IGFLR1: variants seen among roughly 807,000 people sequenced by gnomAD.
The protein encoded by IGFLR1 is IGF like family receptor 1.
In IGFLR1, 17 loss-of-function variants were observed where a neutral mutation model predicts 23.4. The observed-to-expected ratio is 0.73, with a 90% confidence interval of 0.50 to 1.09. The LOEUF is 1.09. Ranked by LOEUF, IGFLR1 falls within the 50% of genes least tolerant of loss-of-function variation. IGFLR1 has a pLI of 0.00. For missense variants in IGFLR1, 556 were observed against 459.2 expected (o/e 1.21, Z -1.93); for synonymous variants, 265 against 210.7 (o/e 1.26, Z -2.23).
rs550022463 is a variant in IGFLR1 at position 35,739,074 on chromosome 19, C to T, written c.*206G>A. 1.4e-4 allele frequency: 82 copies of T among 587,840 alleles called. No homozygotes were observed. In the African/African-American group the frequency reaches 1.5e-3, roughly 11 times the overall value. The allele number at this position is 587,840 out of a possible 1,614,324, so 36.4% of individuals were successfully genotyped here. On this transcript the variant is annotated 3_prime_UTR_variant, in exon 5 of 5. Transcript: ENST00000246532. The stretch of plus-strand genomic sequence containing the variant: ...GCAACTGTCTGTAGCAGGGTTGTTT[C>T]CCAGAGGGGATTCTGGTGGCCCAGA...
rs766470670 is a variant in IGFLR1 at position 35,740,520 on chromosome 19, A to T, written c.202T>A (p.Phe68Ile). ...CACTTTCGGAACGGGGGCGTTACGA[A>T]ATCGCCGTGGTCATTGAGTCCGCAG... is the stretch of plus-strand genomic sequence containing the variant. ...ENCGLNDHGD[F>I]VTPPFRKCSS... Residue 68 changes from phenylalanine (F) to isoleucine (I), a missense_variant, in exon 3 of 5, where the codon TTC becomes ATC. Coordinates refer to ENST00000246532, the MANE Select transcript of IGFLR1 (RefSeq NM_024660.4). 2.3e-5 allele frequency: 37 copies of T among 1,612,540 alleles called. No homozygotes were observed. The highest frequency in any genetic ancestry group is 1.8e-4 in the South Asian group (16 of 91,052).
chr19:35,742,432 T>C lies in IGFLR1; in HGVS notation c.-80A>G, dbSNP rs532374854. The C allele has an allele frequency of 3.3e-6, 5 of 1,535,946 alleles. No individual in the cohort carries two copies. The African/African-American group carries it at 5.5e-5, about 17-fold the overall frequency. The stretch of plus-strand genomic sequence containing the variant: ...TGGGTCCCAAGCTGGCCGTGCCAAG[T>C]TCCTCAGCTGAAGTTGTGGCCAGGA... On this transcript the variant is annotated 5_prime_UTR_variant, in exon 1 of 5. Coordinates refer to ENST00000246532, the MANE Select transcript of IGFLR1 (RefSeq NM_024660.4).
At chr19:35,742,375 G>T (rs894521943) in intron 1 of IGFLR1, 21 bp downstream of exon 1, 2 of 1,514,662 alleles carry the variant, frequency 1.3e-6, no homozygotes, top group African/African-American at 2.8e-5. Flanking sequence ...CAGCACAAAG[G>T]TGTCCCCACC....
At position 35,739,324 on chromosome 19, in the gene IGFLR1, G is replaced by T. The variant is rs886430228; in HGVS notation, c.1024C>A (p.Arg342=). The change falls in exon 5 of 5, where the codon CGG becomes AGG. Residue 342 remains arginine, a synonymous_variant. Coordinates refer to ENST00000246532, the MANE Select transcript of IGFLR1 (RefSeq NM_024660.4). ...GATGAGCCAAGCTTGGACAGCACCC[G>T]CAATGCATCTGCCCGCCCTAGCTGG... ...LAQLGRADAL[R]VLSKLGSSGV... 2.5e-6 allele frequency: 4 copies of T among 1,607,998 alleles called. No homozygotes were observed. In the South Asian group the frequency reaches 4.4e-5, roughly 18 times the overall value.
At position 35,739,747 on chromosome 19, in the gene IGFLR1, T is replaced by C. The variant is rs1970094255; in HGVS notation, c.684A>G (p.Thr228=). 1 of 1,553,404 alleles carries C rather than the reference T, an allele frequency of 6.4e-7. No homozygotes were observed. The highest frequency in any genetic ancestry group is 8.7e-7 in the Non-Finnish European group (1 of 1,146,852). Reference sequence around the variant, plus strand: ...GTGGAAGTAGTGAGGCCTCCTTCCATGTGTCCCCTGTCTCCAGGGCGCCTG... The same window carrying C: ...GTGGAAGTAGTGAGGCCTCCTTCCACGTGTCCCCTGTCTCCAGGGCGCCTG... ...SSPGALETGD[T]WKEASLLPLL... is the part of the protein sequence containing the mutation. Residue 228 remains threonine (T), a synonymous_variant, in exon 4 of 5, where the codon ACA becomes ACG. Coordinates refer to ENST00000246532, the MANE Select transcript of IGFLR1 (RefSeq NM_024660.4).
intron 3 of IGFLR1, 89 bp from the exon 4 acceptor site, chr19:35,740,177 C>A (rs1455251123): frequency 1.2e-5 from 17 of 1,436,612 alleles, no homozygotes; most frequent in Non-Finnish European, 1.5e-5. Flanking sequence ...TTTAATGGGG[C>A]CACATCCCAT....
chr19:35,738,926 C>G lies in IGFLR1; in HGVS notation c.*354G>C, dbSNP rs1970029239. ...GCTGTGGGGGCAGGTAGGAACCCCACTTCTACACACCCACCCATCATGACC... is the reference window on the plus strand; with the variant it reads ...GCTGTGGGGGCAGGTAGGAACCCCAGTTCTACACACCCACCCATCATGACC... On this transcript the variant is annotated 3_prime_UTR_variant, in exon 5 of 5. Transcript: ENST00000246532. This position sits in a 1 kb window ranked among gnomAD's most constrained non-coding sequence, Gnocchi z 8.7. The G allele has an allele frequency of 2.0e-5, 9 of 450,534 alleles. 1 individual carries two copies. In the South Asian group the frequency reaches 2.5e-4, roughly 13 times the overall value. 27.9% of individuals were successfully genotyped at this position (450,534 alleles called of 1,614,324 possible). A position where few individuals can be genotyped will look rare whatever the true frequency, so the allele number is the denominator to read the frequency against.
At chr19:35,740,228 C>T in intron 3 of IGFLR1, 140 bp from the exon 4 acceptor site, 1 of 1,329,212 alleles carries the variant, frequency 7.5e-7, no homozygotes, top group Non-Finnish European at 1.0e-6. Context: ...CCCGCAAGGC[C>T]CAACTACCTT....
chr19:35,741,674 A>AC (rs1970248063), intron 1 of IGFLR1: 2 of 158,030 alleles, frequency 1.3e-5, no homozygotes, highest in Admixed American at 1.2e-4. Flanking sequence ...AAAAAAAAAA[A>AC]AAAAAAACAG....
At position 35,740,428 on chromosome 19, in the gene IGFLR1, G is replaced by A. The variant is rs760757474; in HGVS notation, c.294C>T (p.Thr98=). The part of the protein sequence containing the change: ...LCSPCGGGAV[T]PTPAAGGGRT... ...TGCCCCCGCCCGCGGCGGGAGTAGGGGTCACGGCTCCGCCGCCGCAGGGGC... is the reference window on the plus strand; with the variant it reads ...TGCCCCCGCCCGCGGCGGGAGTAGGAGTCACGGCTCCGCCGCCGCAGGGGC... Residue 98 remains threonine (T), a synonymous_variant, in exon 3 of 5, where the codon ACC becomes ACT. Transcript: ENST00000246532. 8.1e-6 allele frequency: 13 copies of A among 1,611,168 alleles called. No homozygotes were observed. The highest frequency in any genetic ancestry group is 3.3e-5 in the South Asian group (3 of 90,966).
chr19:35,741,087 A>G lies in IGFLR1; in HGVS notation c.94T>C (p.Trp32Arg), dbSNP rs1270453482. The G allele has an allele frequency of 1.2e-6, 2 of 1,606,760 alleles. No homozygotes were observed. Among genetic ancestry groups the G allele is most frequent in the Non-Finnish European group, 8.5e-7 (1 of 1,175,470 alleles). ...ASQYCGRLEY[W>R]NPDNKCCSSC... Reference sequence around the variant, plus strand: ...CTGCAGCACTTGTTGTCTGGGTTCCAGTATTCAAGGCGGCCGCAGTACTGG... The same window carrying G: ...CTGCAGCACTTGTTGTCTGGGTTCCGGTATTCAAGGCGGCCGCAGTACTGG... The change falls in exon 2 of 5, where the codon TGG (tryptophan) becomes CGG (arginine). Residue 32 changes from tryptophan (W) to arginine (R), a missense_variant. Transcript: ENST00000246532.
rs766561191 is a variant in IGFLR1, at chr19:35,739,547, C to T, written c.801G>A (p.Leu267=). The change falls in exon 5 of 5, where the codon CTG becomes CTA. Residue 267 remains leucine (L), a synonymous_variant. Coordinates refer to ENST00000246532, the MANE Select transcript of IGFLR1 (RefSeq NM_024660.4). ...CCCCACCTGGCCCAGGCTCAGGGTC[C>T]AGCAGTACAATCAGCTCTTCCAGCA... ...LEVLEELIVL[L]DPEPGPGGGM... is the part of the protein sequence containing the mutation. 8.1e-6 allele frequency: 13 copies of T among 1,614,148 alleles called. No homozygotes were observed. Among genetic ancestry groups the T allele is most frequent in the Non-Finnish European group, 1.1e-5 (13 of 1,180,028 alleles).
Position 35,740,497 on chromosome 19 carries a change from C to CTT in IGFLR1, c.223_224dup (p.Cys76SerfsTer23). Reference sequence around the variant, plus strand: ...CGGGGTTGCACTGCCCAGAAGAACACTTTCGGAACGGGGGCGTTACGAAAT... The same window carrying CTT: ...CGGGGTTGCACTGCCCAGAAGAACACTTTTTCGGAACGGGGGCGTTACGAAAT... On this transcript the variant is annotated frameshift_variant, in exon 3 of 5. Coordinates refer to ENST00000246532, the MANE Select transcript of IGFLR1 (RefSeq NM_024660.4). LOFTEE classifies it high-confidence loss of function. 3 of 1,613,080 alleles carry CTT rather than the reference C, an allele frequency of 1.9e-6. No homozygotes were observed. The highest frequency in any genetic ancestry group is 2.5e-6 in the Non-Finnish European group (3 of 1,179,856).
intron 3 of IGFLR1, 132 bp from the exon 4 acceptor site, chr19:35,740,220 C>T (rs1447563622): frequency 6.8e-6 from 9 of 1,328,082 alleles, no homozygotes; most frequent in Admixed American, 5.7e-5. Context: ...AGTTGGGCCC[C>T]GCAAGGCCCA....
chr19:35,740,938 G>T, intron 2 of IGFLR1, 86 bp downstream of exon 2: 1 of 1,326,950 alleles, frequency 7.5e-7, no homozygotes, highest in Non-Finnish European at 1.1e-6. Context: ...AAGCCTCTCT[G>T]GCCCGTAGCC....
In IGFLR1 at chr19:35,739,300, A is replaced by G. The variant is rs576547327; in HGVS notation, c.1048T>C (p.Ser350Pro). 54 of 1,597,042 alleles carry G rather than the reference A, an allele frequency of 3.4e-5. No homozygotes were observed. In the East Asian group the frequency reaches 1.1e-3, roughly 33 times the overall value. Residue 350 changes from serine (S) to proline (P), a missense_variant, in exon 5 of 5, where the codon TCT becomes CCT. Coordinates refer to ENST00000246532, the MANE Select transcript of IGFLR1 (RefSeq NM_024660.4). ...GGGTGTTAAGCCCAGCAAACCCCAG[A>G]TGAGCCAAGCTTGGACAGCACCCGC... ...ALRVLSKLGS[S>P]GVCWA
Position 35,739,756 on chromosome 19 carries a change from T to G in IGFLR1, c.675A>C (p.Thr225=). ...SHLSSPGALE[T]GDTWKEASLL... is the part of the protein sequence containing the mutation. ...GTGAGGCCTCCTTCCATGTGTCCCCTGTCTCCAGGGCGCCTGGGGAGGACA... is the reference window on the plus strand; with the variant it reads ...GTGAGGCCTCCTTCCATGTGTCCCCGGTCTCCAGGGCGCCTGGGGAGGACA... Residue 225 remains threonine, a synonymous_variant, in exon 4 of 5, where the codon ACA becomes ACC. Transcript: ENST00000246532. The G allele has an allele frequency of 6.4e-7, 1 of 1,555,380 alleles. No individual in the cohort carries two copies. Among genetic ancestry groups the G allele is most frequent in the Non-Finnish European group, 8.7e-7 (1 of 1,147,644 alleles).
In IGFLR1 at chr19:35,739,546, C is replaced by G. The variant is rs760805544; in HGVS notation, c.802G>C (p.Asp268His). The G allele has an allele frequency of 1.2e-6, 2 of 1,614,100 alleles. No homozygotes were observed. The highest frequency in any genetic ancestry group is 1.1e-5 in the South Asian group (1 of 91,082). ...CCCCCACCTGGCCCAGGCTCAGGGT[C>G]CAGCAGTACAATCAGCTCTTCCAGC... ...EVLEELIVLL[D>H]PEPGPGGGMA... Residue 268 changes from aspartate (D) to histidine (H), a missense_variant, in exon 5 of 5, where the codon GAC (aspartate) becomes CAC (histidine). By Grantham distance (81) the Asp-to-His change is moderately conservative. Coordinates refer to ENST00000246532, the MANE Select transcript of IGFLR1 (RefSeq NM_024660.4).
rs1245703779 is a variant in IGFLR1, at chr19:35,740,512, C to A, written c.210G>T (p.Thr70=). The change falls in exon 3 of 5, where the codon ACG becomes ACT. Residue 70 remains threonine, a synonymous_variant. Transcript: ENST00000246532. ...CGLNDHGDFV[T]PPFRKCSSGQ... ...CAGAAGAACACTTTCGGAACGGGGG[C>A]GTTACGAAATCGCCGTGGTCATTGA... 1.2e-6 allele frequency: 2 copies of A among 1,612,602 alleles called. No homozygotes were observed. Among genetic ancestry groups the A allele is most frequent in the African/African-American group, 2.7e-5 (2 of 74,916 alleles).
Sources: gnomAD v4.1 joint callset for allele counts on GRCh38, gnomAD v4.1.1 for gene constraint, Gnocchi (gnomAD v3.1) non-coding constraint, MANE v1.5 for transcripts, NCBI Gene and HGNC (gene_info 2026-07-23, HGNC 2026-07-21) for gene names.